The following KHDRBS2 variants were observed in gnomAD, a reference collection of about 807,000 sequenced individuals.
The protein encoded by KHDRBS2 is KH domain-containing, RNA-binding, signal transduction-associated protein 2.
A neutral mutation model predicts 44.3 loss-of-function variants in KHDRBS2; 26 were observed. The observed-to-expected ratio is 0.59, with a 90% CI of 0.43 to 0.81. KHDRBS2 has a LOEUF of 0.81. KHDRBS2 is among the 40% of genes least tolerant of loss of function. The pLI, the probability that KHDRBS2 is intolerant of heterozygous loss-of-function variation, is 0.00. For synonymous variants in KHDRBS2, 194 were observed against 151.1 expected (o/e 1.28, Z -2.08); for missense variants, 476 against 433.1 (o/e 1.10, Z -0.88).
chr6:61,825,462 T>A (rs1469966295), intron 6 of KHDRBS2, among the ~76,000 whole-genome samples: 1 of 152,182 alleles, frequency 6.6e-6, no homozygotes, highest in Non-Finnish European at 1.5e-5. Context: ...CCAACCTATG[T>A]GTACTTACAC....
chr6:61,802,879 C>T (rs1786509327), intron 6 of KHDRBS2, among the ~76,000 whole-genome samples: 1 of 152,132 alleles, frequency 6.6e-6, no homozygotes, highest in South Asian at 2.1e-4. Context: ...TGTCTCCATC[C>T]TTCCCATCCC....
chr6:61,841,329 A>G (rs1174382067), intron 6 of KHDRBS2, among the ~76,000 whole-genome samples: 1 of 152,140 alleles, frequency 6.6e-6, no homozygotes, highest in African/African-American at 2.4e-5. Context: ...TGCTTTCCAT[A>G]TGGGAAATTT....
At chr6:62,210,235 G>T (rs1425208854) in intron 1 of KHDRBS2, among the ~76,000 whole-genome samples, 1 of 151,020 alleles carries the variant, frequency 6.6e-6, no homozygotes, top group Non-Finnish European at 1.5e-5. Flanking sequence ...AGAACTCTCA[G>T]ATTTAGTTCT....
At chr6:61,974,585 C>A (rs1482158119) in intron 4 of KHDRBS2, among the ~76,000 whole-genome samples, 3 of 151,476 alleles carry the variant, frequency 2.0e-5, no homozygotes, top group Non-Finnish European at 4.4e-5. Context: ...TAAAATTAGC[C>A]ATGTTCAAAT....
rs75317710 is a variant in KHDRBS2 at position 62,159,320 on chromosome 6, T to C, written c.219+17865A>G. Among the ~76,000 whole-genome samples the C allele has an allele frequency of 5.4e-3, 826 of 152,290 alleles. 3 individuals are homozygous for C. The highest frequency in any genetic ancestry group is 9.3e-3 in the Non-Finnish European group (635 of 67,992). On this transcript the variant is annotated intron_variant, in intron 2 of 8. Coordinates refer to ENST00000281156, the MANE Select transcript of KHDRBS2 (RefSeq NM_152688.4). ...TAAAATTTGCACTGTAATTGCTTTA[T>C]TCTTATACTTTAACTCTCTCTGCCA...
chr6:62,060,626 T>G (rs1791577730), intron 2 of KHDRBS2, among the ~76,000 whole-genome samples: 5 of 149,984 alleles, frequency 3.3e-5, no homozygotes, highest in Admixed American at 2.7e-4. Context: ...TCTCTCTCTC[T>G]CTCTCTCTAT....
intron 2 of KHDRBS2, among the ~76,000 whole-genome samples, chr6:62,093,098 A>G (rs1391671389): frequency 6.6e-6 from 1 of 152,008 alleles, no homozygotes; most frequent in Non-Finnish European, 1.5e-5. Context: ...TTGGCAAATA[A>G]AATCCTCTAC....
chr6:62,045,662 C>T (rs766103362), intron 3 of KHDRBS2, among the ~76,000 whole-genome samples: 2 of 151,906 alleles, frequency 1.3e-5, no homozygotes, highest in African/African-American at 2.4e-5. Flanking sequence ...GAACATATGC[C>T]GGTTTGTATG....
chr6:61,908,217 T>C lies in KHDRBS2; in HGVS notation c.484-6846A>G, dbSNP rs369677110. ...TCCTGGAGAGATAAAGAGTTAGAGA[T>C]AGACAAATATTTACCTAAGTATGTG... On this transcript the variant is annotated intron_variant, in intron 4 of 8. Coordinates refer to ENST00000281156, the MANE Select transcript of KHDRBS2 (RefSeq NM_152688.4). Among the ~76,000 whole-genome samples, 322 of 152,182 alleles carry C rather than the reference T, an allele frequency of 2.1e-3. 1 individual carries two copies. The highest frequency in any genetic ancestry group is 7.5e-3 in the African/African-American group (313 of 41,534).
intron 6 of KHDRBS2, among the ~76,000 whole-genome samples, chr6:61,743,837 T>C (rs1023468678): frequency 7.1e-6 from 1 of 140,330 alleles, no homozygotes; most frequent in African/African-American, 2.6e-5. Flanking sequence ...TGTCCATGTG[T>C]TCTCATTGTT....
At chr6:62,113,678 A>G (rs1805551774) in intron 2 of KHDRBS2, among the ~76,000 whole-genome samples, 1 of 152,116 alleles carries the variant, frequency 6.6e-6, no homozygotes, top group African/African-American at 2.4e-5. Context: ...AATGTGTAAA[A>G]TATCTTGAAT....
chr6:62,015,321 A>C (rs1781019410), intron 3 of KHDRBS2, among the ~76,000 whole-genome samples: 1 of 152,152 alleles, frequency 6.6e-6, no homozygotes, highest in Admixed American at 6.6e-5. Flanking sequence ...ATTAAAGTTC[A>C]TATTGTTTGA....
At chr6:61,557,712 G>A in the KHDRBS2 span, among the ~76,000 whole-genome samples, 2 of 152,130 alleles carry the variant, frequency 1.3e-5, no homozygotes, top group Admixed American at 1.3e-4. Flanking sequence ...ATTGATATTA[G>A]TTGTTCTTTA....
intron 2 of KHDRBS2, among the ~76,000 whole-genome samples, chr6:62,093,471 A>C (rs1276408671): frequency 6.6e-6 from 1 of 151,988 alleles, no homozygotes; most frequent in Non-Finnish European, 1.5e-5. Context: ...TTAAACATTT[A>C]TCATTTCTTT....
chr6:62,020,231 T>C (rs1782005256), intron 3 of KHDRBS2, among the ~76,000 whole-genome samples: 1 of 152,048 alleles, frequency 6.6e-6, no homozygotes, highest in African/African-American at 2.4e-5. Flanking sequence ...CCAGAGGTAT[T>C]ATTTTTCCAG....
intron 4 of KHDRBS2, among the ~76,000 whole-genome samples, chr6:61,904,016 T>C (rs1804528612): frequency 1.3e-5 from 2 of 152,104 alleles, no homozygotes; most frequent in African/African-American, 4.8e-5. Flanking sequence ...TGCTAGTAAG[T>C]ATTGCGGTGG....
chr6:61,591,924 CA>C, the KHDRBS2 span, among the ~76,000 whole-genome samples: 1 of 152,048 alleles, frequency 6.6e-6, no homozygotes. Flanking sequence ...TGGTGGCTGA[CA>C]ACTATAACCC....
At chr6:61,669,753 C>T in the KHDRBS2 span, among the ~76,000 whole-genome samples, 1 of 150,840 alleles carries the variant, frequency 6.6e-6, no homozygotes, top group South Asian at 2.1e-4. Flanking sequence ...ACCATTTTAC[C>T]TATAAGAAAT....
At chr6:61,666,549 T>C in the KHDRBS2 span, among the ~76,000 whole-genome samples, 26 of 151,520 alleles carry the variant, frequency 1.7e-4, no homozygotes, top group African/African-American at 5.5e-4. Flanking sequence ...CAGAAATCTG[T>C]CTGCTTCTGA....
Sources: allele counts gnomAD v4.1 joint callset (sites outside exome capture counted in the v4.1 genomes callset), GRCh38; gene constraint gnomAD v4.1.1; transcripts MANE v1.5; gene names NCBI Gene and HGNC (gene_info 2026-07-23, HGNC 2026-07-21).